The following CACNA2D4 variants were observed in gnomAD, a reference collection of about 807,000 sequenced individuals.
CACNA2D4 encodes the protein voltage-dependent calcium channel subunit alpha-2/delta-4.
In CACNA2D4, 157 loss-of-function variants were observed where a neutral mutation model predicts 163.8. The observed-to-expected ratio is 0.96, with a 90% confidence interval of 0.84 to 1.09. The LOEUF is 1.09. Among genes scored for constraint, CACNA2D4 ranks in the 50% least tolerant of loss-of-function variants. The pLI, the probability that CACNA2D4 is intolerant of heterozygous loss-of-function variation, is 0.00. For missense variants in CACNA2D4, 1,410 were observed against 1,479.9 expected (o/e 0.95, Z 0.78); for synonymous variants, 598 against 586.9 (o/e 1.02, Z -0.27).
intron 23 of CACNA2D4, among the ~76,000 whole-genome samples, chr12:1,852,328 A>T (rs1009189493): frequency 1.3e-5 from 2 of 152,088 alleles, no homozygotes; most frequent in African/African-American, 4.8e-5. Flanking sequence ...TTAAGATGTT[A>T]CTTTCATGCT....
intron 26 of CACNA2D4, among the ~76,000 whole-genome samples, chr12:1,818,629 A>G (rs1863967856): frequency 6.6e-6 from 1 of 151,378 alleles, no homozygotes; most frequent in African/African-American, 2.4e-5. Context: ...GGACACAAAC[A>G]CTGCGGAAGG....
At chr12:1,871,975 G>T (rs1444441274) in intron 18 of CACNA2D4, among the ~76,000 whole-genome samples, 1 of 152,214 alleles carries the variant, frequency 6.6e-6, no homozygotes, top group Non-Finnish European at 1.5e-5. Context: ...TTTTAAACTT[G>T]TGTCTGAGGG....
In CACNA2D4 at chr12:1,860,096, T is replaced by C. The variant is rs10848582; in HGVS notation, c.1940+49A>G. The C allele has an allele frequency of 0.5, 723,123 of 1,451,050 alleles. 189,157 individuals are homozygous for C. The highest frequency in any genetic ancestry group is 0.54 in the Non-Finnish European group (558,706 of 1,035,216). The allele number at this position is 1,451,050 out of a possible 1,614,324, so 89.9% of individuals were successfully genotyped here. ...TTGCCAACTAAATATGAGTTGCTGG[T>C]ATTCATGTTCAACCCTCACCCCGTG... On this transcript the variant is annotated intron_variant, in intron 19 of 37. Coordinates refer to ENST00000382722, the MANE Select transcript of CACNA2D4 (RefSeq NM_172364.5).
chr12:1,906,813 C>A (rs545759172), intron 6 of CACNA2D4, among the ~76,000 whole-genome samples: 33 of 152,356 alleles, frequency 2.2e-4, no homozygotes, highest in African/African-American at 7.7e-4. Flanking sequence ...AGCCTGTGGA[C>A]ACAGTGGAGT....
chr12:1,851,411 T>C (rs1043284282), intron 23 of CACNA2D4, among the ~76,000 whole-genome samples: 8 of 152,258 alleles, frequency 5.3e-5, no homozygotes, highest in African/African-American at 1.7e-4. Context: ...ATTCTCCATA[T>C]GGCTCTCAAA....
chr12:1,912,952 G>C, intron 3 of CACNA2D4, 71 bp downstream of exon 3: 1 of 910,722 alleles, frequency 1.1e-6, no homozygotes, highest in Non-Finnish European at 1.8e-6. Flanking sequence ...CCATGACATC[G>C]GGAGGGTCAC....
intron 18 of CACNA2D4, among the ~76,000 whole-genome samples, chr12:1,865,132 C>G (rs959053138): frequency 6.6e-6 from 1 of 152,150 alleles, no homozygotes; most frequent in African/African-American, 2.4e-5. Flanking sequence ...TACCTGGCCA[C>G]GGAGGGGAGA....
intron 26 of CACNA2D4, chr12:1,811,943 G>C: frequency 1.7e-6 from 1 of 582,362 alleles, no homozygotes; most frequent in Non-Finnish European, 3.1e-6. Context: ...CCCACTGGAA[G>C]AAGAGCGACA....
At chr12:1,864,806 A>G (rs972244045) in intron 18 of CACNA2D4, among the ~76,000 whole-genome samples, 9 of 152,240 alleles carry the variant, frequency 5.9e-5, no homozygotes, top group Admixed American at 5.9e-4. Context: ...CGGCTGTAGA[A>G]TTGCCGATGG....
In CACNA2D4 at chr12:1,793,694, A is replaced by T. The variant is rs1328335593; in HGVS notation, c.3375T>A (p.Pro1125=). The change falls in exon 38 of 38, where the codon CCT becomes CCA. Residue 1125 remains proline, a synonymous_variant. Transcript: ENST00000382722. ...TSASPPLLLL[P]VCAWGLLPQL... is the part of the protein sequence containing the mutation. ...GGGGCAGTAGCCCCCAGGCACACAC[A>T]GGCAGCAGGAGTAGGGGCGGCGAGG... The T allele has an allele frequency of 6.2e-7, 1 of 1,613,674 alleles. No homozygotes were observed. The highest frequency in any genetic ancestry group is 2.2e-5 in the East Asian group (1 of 44,896).
At chr12:1,879,759 C>T (rs1311155100) in intron 14 of CACNA2D4, 45 bp downstream of exon 14, 5 of 1,467,218 alleles carry the variant, frequency 3.4e-6, no homozygotes, top group Non-Finnish European at 4.7e-6. Context: ...ACTGAAGCCC[C>T]AGGTTCTAAT....
At chr12:1,856,515 C>T (rs901988331) in intron 20 of CACNA2D4, among the ~76,000 whole-genome samples, 2 of 152,240 alleles carry the variant, frequency 1.3e-5, no homozygotes, top group Admixed American at 6.5e-5. Context: ...ATCTTTTCCT[C>T]CTGCAGCCCT....
chr12:1,827,859 A>T (rs1204812272), intron 26 of CACNA2D4: 4 of 370,694 alleles, frequency 1.1e-5, no homozygotes, highest in Non-Finnish European at 1.9e-5. Flanking sequence ...ACTGTGCCCG[A>T]CCCTCGGGCT....
intron 22 of CACNA2D4, among the ~76,000 whole-genome samples, chr12:1,854,990 AGATCCTCCTCACCTT>A (rs1294389876): frequency 1.3e-5 from 2 of 152,142 alleles, no homozygotes; most frequent in Non-Finnish European, 2.9e-5. Context: ...CCCCCAAAGG[AGATCCTCCTCACCTT>A]GGTGAGGAGG....
chr12:1,890,824 G>A (rs759514761), intron 6 of CACNA2D4, among the ~76,000 whole-genome samples: 38 of 152,156 alleles, frequency 2.5e-4, no homozygotes, highest in Non-Finnish European at 4.4e-4. Context: ...CTCTACCATC[G>A]TTGGCACCTG....
chr12:1,896,650 C>CAAAAAA (rs1330603814), intron 6 of CACNA2D4, among the ~76,000 whole-genome samples: 13 of 116,222 alleles, frequency 1.1e-4, no homozygotes, highest in African/African-American at 4.1e-4. Context: ...CACACACACA[C>CAAAAAA]ACACAAAACA....
At chr12:1,794,682 C>T (rs1213164764) in intron 37 of CACNA2D4, among the ~76,000 whole-genome samples, 2 of 152,200 alleles carry the variant, frequency 1.3e-5, no homozygotes, top group Admixed American at 1.3e-4. Context: ...GGAAGAGACA[C>T]GTAGGCCAAG....
In CACNA2D4 at chr12:1,802,153, G is replaced by A. The variant is rs1036892244; in HGVS notation, c.2722-509C>T. Among the ~76,000 whole-genome samples, 2 of 151,720 alleles carry A rather than the reference G, an allele frequency of 1.3e-5. No homozygotes were observed. Among genetic ancestry groups the A allele is most frequent in the Non-Finnish European group, 2.9e-5 (2 of 67,948 alleles). Reference sequence around the variant, plus strand: ...TGTCCTCATCTTCCCAGTGTGAGAGGGCTGCTGTGGCTTTTGCTGTCCCTC... The same window carrying A: ...TGTCCTCATCTTCCCAGTGTGAGAGAGCTGCTGTGGCTTTTGCTGTCCCTC... On this transcript the variant is annotated intron_variant, in intron 29 of 37. Coordinates refer to ENST00000382722, the MANE Select transcript of CACNA2D4 (RefSeq NM_172364.5). The surrounding 1 kb of genome is among the most constrained non-coding windows in gnomAD (Gnocchi z 4.7).
intron 6 of CACNA2D4, among the ~76,000 whole-genome samples, chr12:1,891,430 A>G (rs545229899): frequency 3.9e-5 from 6 of 152,312 alleles, no homozygotes; most frequent in African/African-American, 7.2e-5. Context: ...CTTTAGGAAA[A>G]AGTCCTCCCA....
Sources: allele counts gnomAD v4.1 joint callset (sites outside exome capture counted in the v4.1 genomes callset), GRCh38; gene constraint gnomAD v4.1.1; non-coding constraint Gnocchi (gnomAD v3.1); transcripts MANE v1.5; gene names NCBI Gene and HGNC (gene_info 2026-07-23, HGNC 2026-07-21).